Variants in CAPG observed in about 807,000 individuals in gnomAD.
CAPG encodes the protein capping actin protein, gelsolin like.
CAPG carries 32 observed loss-of-function variants against 44.6 expected under a neutral mutation model. That is an observed-to-expected ratio of 0.72 (90% CI 0.54 to 0.96). The LOEUF (loss-of-function observed/expected upper bound fraction) is 0.96. Ranked by LOEUF, CAPG falls within the 50% of genes least tolerant of loss-of-function variation. The pLI is 0.00. For synonymous variants in CAPG, 175 were observed against 179.6 expected (o/e 0.97, Z 0.20); for missense variants, 412 against 438.3 (o/e 0.94, Z 0.54).
rs1441915904 is a variant in CAPG at position 85,398,782 on chromosome 2, C to T, written c.667G>A (p.Val223Ile). The T allele has an allele frequency of 6.3e-7, 1 of 1,598,448 alleles. No individual in the cohort carries two copies. Among genetic ancestry groups the T allele is most frequent in the Non-Finnish European group, 8.5e-7 (1 of 1,172,146 alleles). Residue 223 changes from valine (V) to isoleucine (I), a missense_variant and splice_region_variant, in exon 7 of 10, where the codon GTC becomes ATC. Physicochemically the swap from Val to Ile is conservative, Grantham distance 29 (BLOSUM62 3). Transcript: ENST00000263867. ...DGEEPAEMIQ[V>I]LGPKPALKEG... Reference sequence around the variant, plus strand: ...TTCAGAGCAGGCTTGGGGCCCAGGACCTGCAGGGGCCAGGGCAGGCCAGGT... The same window carrying T: ...TTCAGAGCAGGCTTGGGGCCCAGGATCTGCAGGGGCCAGGGCAGGCCAGGT...
chr2:85,407,469 C>G (rs1687212604), intron 1 of CAPG, among the ~76,000 whole-genome samples: 1 of 151,766 alleles, frequency 6.6e-6, no homozygotes, highest in African/African-American at 2.4e-5. Flanking sequence ...TCCCAGCACA[C>G]TGGGAGACTG....
intron 7 of CAPG, 188 bp downstream of exon 7, chr2:85,398,502 G>A: frequency 1.7e-6 from 1 of 604,712 alleles, no homozygotes; most frequent in Admixed American, 2.9e-5. Flanking sequence ...CTCCTCAGGA[G>A]GGCCTGCCTT....
chr2:85,401,492 A>T lies in CAPG; in HGVS notation c.351+37T>A, dbSNP rs772395120. 1.3e-5 allele frequency: 21 copies of T among 1,608,150 alleles called. No individual in the cohort carries two copies. The Admixed American group carries it at 2.3e-4, about 18-fold the overall frequency. On this transcript the variant is annotated intron_variant, in intron 4 of 9. Transcript: ENST00000263867. ...CAGAAGCAGGGCTGGCTCTGAGGGAAGCTGCAGGGTGGGGGTGCCTAGAGG... is the reference window on the plus strand; with the variant it reads ...CAGAAGCAGGGCTGGCTCTGAGGGATGCTGCAGGGTGGGGGTGCCTAGAGG...
chr2:85,402,054 A>G (rs1263114574), intron 2 of CAPG, 69 bp downstream of exon 2: 2 of 1,608,970 alleles, frequency 1.2e-6, no homozygotes, highest in Admixed American at 1.7e-5. Context: ...TGAGGAGAGC[A>G]GTGGGGAGGG....
At chr2:85,410,901 C>G (rs1476213776), upstream of CAPG, among the ~76,000 whole-genome samples, 1 of 150,202 alleles carries the variant, frequency 6.7e-6, no homozygotes, top group Non-Finnish European at 1.5e-5. Flanking sequence ...TTCACTGTCA[C>G]GCAAGCTGGA....
At chr2:85,396,817 G>A (rs969961769) in intron 8 of CAPG, among the ~76,000 whole-genome samples, 1 of 152,104 alleles carries the variant, frequency 6.6e-6, no homozygotes, top group African/African-American at 2.4e-5. Flanking sequence ...CTGAGTTTCA[G>A]AAGCAATACT....
chr2:85,416,510 C>G (rs962832813), intron 1 of CAPG, among the ~76,000 whole-genome samples: 1 of 151,970 alleles, frequency 6.6e-6, no homozygotes, highest in African/African-American at 2.4e-5. Flanking sequence ...CCCAAATATT[C>G]CTTTTTTTTT....
At chr2:85,394,611 G>C (rs894360396), downstream of CAPG, 1 of 501,810 alleles carries the variant, frequency 2.0e-6, no homozygotes. Flanking sequence ...TGCAAGCCTG[G>C]CTGGGACTCC....
At chr2:85,410,615 C>G (rs1212703539), upstream of CAPG, 2 of 152,532 alleles carry the variant, frequency 1.3e-5, no homozygotes. Context: ...TGGCCTCAGC[C>G]CGCTGCAGGT....
intron 1 of CAPG, among the ~76,000 whole-genome samples, chr2:85,417,094 C>A (rs1274765043): frequency 6.6e-6 from 1 of 152,160 alleles, no homozygotes; most frequent in African/African-American, 2.4e-5. Flanking sequence ...GGGGAGGGCA[C>A]CAGGTGCCTG....
At chr2:85,416,550 C>T (rs991522752) in intron 1 of CAPG, among the ~76,000 whole-genome samples, 6 of 152,174 alleles carry the variant, frequency 3.9e-5, no homozygotes, top group South Asian at 2.1e-4. Flanking sequence ...TCACTCTTGT[C>T]GCCCAAGCTG....
chr2:85,397,665 T>C (rs937329619), intron 8 of CAPG, among the ~76,000 whole-genome samples: 1 of 148,300 alleles, frequency 6.7e-6, no homozygotes, highest in African/African-American at 2.5e-5. Flanking sequence ...ATCGTGCCAC[T>C]GCACTCCAGC....
chr2:85,415,001 A>T (rs917326555), upstream of CAPG, among the ~76,000 whole-genome samples: 1 of 152,194 alleles, frequency 6.6e-6, no homozygotes, highest in African/African-American at 2.4e-5. Flanking sequence ...GCAGCTTCGA[A>T]AATCCCAACC....
chr2:85,401,416 TG>T, intron 4 of CAPG, 87 bp from the exon 5 acceptor site: 1 of 1,575,944 alleles, frequency 6.3e-7, no homozygotes, highest in Non-Finnish European at 8.7e-7. Flanking sequence ...GGCAGAAAGG[TG>T]GGGACCCGGC....
At chr2:85,400,415 C>T (rs1686824653) in intron 5 of CAPG, among the ~76,000 whole-genome samples, 1 of 152,178 alleles carries the variant, frequency 6.6e-6, no homozygotes. Context: ...GGATTGATCT[C>T]CCTGCCCCAA....
chr2:85,401,346 C>T lies in CAPG; in HGVS notation c.352-17G>A, dbSNP rs1686876759. 1 of 1,611,662 alleles carries T rather than the reference C, an allele frequency of 6.2e-7. No individual in the cohort carries two copies. Among genetic ancestry groups the T allele is most frequent in the African/African-American group, 1.3e-5 (1 of 75,006 alleles). On this transcript the variant is annotated splice_polypyrimidine_tract_variant and intron_variant, in intron 4 of 9. Transcript: ENST00000263867. ...ACCACCTTCCTGCAGCCCAGACGGC[C>T]CATCTGAGTGGACTGACAGGAGACC...
At chr2:85,407,361 GT>G (rs1687208731) in intron 1 of CAPG, among the ~76,000 whole-genome samples, 1 of 152,192 alleles carries the variant, frequency 6.6e-6, no homozygotes, top group South Asian at 2.1e-4. Context: ...AGTGAATTCT[GT>G]CCAGAACAGT....
chr2:85,404,595 A>C (rs954446554), intron 1 of CAPG, among the ~76,000 whole-genome samples: 1 of 152,032 alleles, frequency 6.6e-6, no homozygotes, highest in Admixed American at 6.6e-5. Context: ...CTAAAATACA[A>C]AAATTAGCTG....
chr2:85,417,750 C>T (rs1687598492), intron 1 of CAPG, among the ~76,000 whole-genome samples: 1 of 152,064 alleles, frequency 6.6e-6, no homozygotes, highest in Non-Finnish European at 1.5e-5. Context: ...TCCCAAAATG[C>T]TAGGATTACA....
Sources: allele counts gnomAD v4.1 joint callset (sites outside exome capture counted in the v4.1 genomes callset), GRCh38; gene constraint gnomAD v4.1.1; transcripts MANE v1.5; gene names NCBI Gene and HGNC (gene_info 2026-07-23, HGNC 2026-07-21).